The following GLI3 variants were observed in gnomAD, a reference collection of about 807,000 sequenced individuals.
GLI3 encodes the protein transcription activator GLI3.
GLI3 carries 20 observed loss-of-function variants against 100.8 expected under a neutral mutation model. That is an observed-to-expected ratio of 0.20 (90% CI 0.14 to 0.29). GLI3 has a LOEUF of 0.29. Among genes scored for constraint, GLI3 ranks in the 10% least tolerant of loss-of-function variants. GLI3 has a pLI of 1.00. For synonymous variants in GLI3, 938 were observed against 860.5 expected, an observed-to-expected ratio of 1.09 and a Z score of -1.58; for missense variants, 2,040 against 2,128.5, an observed-to-expected ratio of 0.96 and a Z score of 0.82.
intron 2 of GLI3, among the ~76,000 whole-genome samples, chr7:42,162,053 C>T (rs1211051928): frequency 6.6e-6 from 1 of 152,176 alleles, no homozygotes; most frequent in Non-Finnish European, 1.5e-5. Context: ...CTGCTGCCCT[C>T]AAGGCCCACA....
chr7:42,072,825 A>G (rs1784809875), intron 4 of GLI3, among the ~76,000 whole-genome samples: 1 of 152,210 alleles, frequency 6.6e-6, no homozygotes, highest in Non-Finnish European at 1.5e-5. Context: ...AATCTCAGTA[A>G]TAAAGTAGAC....
At chr7:42,162,421 T>C (rs947204926) in intron 2 of GLI3, among the ~76,000 whole-genome samples, 1 of 152,260 alleles carries the variant, frequency 6.6e-6, no homozygotes, top group Non-Finnish European at 1.5e-5. Flanking sequence ...TTCTTTATTC[T>C]TTAATTCACA....
chr7:42,223,320 A>C, intron 1 of GLI3, 25 bp from the exon 2 acceptor site: 1 of 1,398,794 alleles, frequency 7.1e-7, no homozygotes. Context: ...AGAGCCATCA[A>C]CTTTCCAAAA....
chr7:42,241,466 T>A (rs983962237), upstream of GLI3, among the ~76,000 whole-genome samples: 14 of 152,162 alleles, frequency 9.2e-5, no homozygotes, highest in African/African-American at 3.1e-4. Flanking sequence ...CAAAGGTAGA[T>A]CCCTGGCCAC....
At chr7:42,075,864 C>T (rs1583534511) in intron 4 of GLI3, among the ~76,000 whole-genome samples, 1 of 152,180 alleles carries the variant, frequency 6.6e-6, no homozygotes, top group East Asian at 1.9e-4. Flanking sequence ...TTTTCTTTGG[C>T]ATAATATGTA....
At chr7:42,222,874 A>G (rs868751324) in intron 2 of GLI3, 1 of 435,598 alleles carries the variant, frequency 2.3e-6, no homozygotes, top group South Asian at 2.1e-5. Flanking sequence ...CAAAACAGGA[A>G]CTTCTGATAA....
chr7:42,029,305 G>A (rs760471533), intron 7 of GLI3, among the ~76,000 whole-genome samples: 6 of 152,220 alleles, frequency 3.9e-5, no homozygotes, highest in Non-Finnish European at 7.3e-5. Flanking sequence ...TCTCAGCTCT[G>A]ACACAGTATC....
intron 10 of GLI3, among the ~76,000 whole-genome samples, chr7:41,997,407 T>C (rs1305836338): frequency 1.3e-5 from 2 of 152,312 alleles, no homozygotes; most frequent in Admixed American, 1.3e-4. Context: ...CCTAGGAGTT[T>C]TGCAGTGTTC....
intron 2 of GLI3, among the ~76,000 whole-genome samples, chr7:42,205,194 C>T (rs145104737): frequency 5.3e-5 from 8 of 152,282 alleles, no homozygotes; most frequent in African/African-American, 1.2e-4. Flanking sequence ...CTCATACATA[C>T]GCATCCTAGC....
chr7:42,012,046 C>T (rs1420352301), intron 10 of GLI3, among the ~76,000 whole-genome samples: 1 of 152,190 alleles, frequency 6.6e-6, no homozygotes, highest in Non-Finnish European at 1.5e-5. Flanking sequence ...ACCGCTCGTG[C>T]CTCTGAGCAG....
intron 1 of GLI3, among the ~76,000 whole-genome samples, chr7:42,254,217 T>TAAAAAAA (rs3057276): frequency 0.081 from 9,614 of 118,264 alleles, 673 homozygotes; most frequent in Non-Finnish European, 0.12. Flanking sequence ...AAAACTCCGT[T>TAAAAAAA]AAAAAAAAAA....
At chr7:42,097,401 AC>A (rs1785363090) in intron 3 of GLI3, among the ~76,000 whole-genome samples, 1 of 152,096 alleles carries the variant, frequency 6.6e-6, no homozygotes, top group African/African-American at 2.4e-5. Flanking sequence ...CAGGCATCAG[AC>A]CCCAGACGGT....
At chr7:42,183,894 C>G (rs2128684212) in intron 2 of GLI3, among the ~76,000 whole-genome samples, 1 of 152,222 alleles carries the variant, frequency 6.6e-6, no homozygotes, top group East Asian at 1.9e-4. Context: ...GCCACCTTTT[C>G]AAAACAATGA....
chr7:42,113,393 C>A, intron 3 of GLI3: 1 of 699,530 alleles, frequency 1.4e-6, no homozygotes. Context: ...GAGGGGGATG[C>A]TGAAGGAGAT....
chr7:42,072,780 G>A (rs1277892123), intron 4 of GLI3, among the ~76,000 whole-genome samples: 4 of 152,200 alleles, frequency 2.6e-5, no homozygotes, highest in South Asian at 4.1e-4. Flanking sequence ...GAGTATGTGT[G>A]TATAGATTCA....
chr7:42,215,250 A>G (rs1232874393), intron 2 of GLI3, among the ~76,000 whole-genome samples: 2 of 152,186 alleles, frequency 1.3e-5, no homozygotes, highest in Non-Finnish European at 2.9e-5. Context: ...AAACTCATAG[A>G]ACGGCACACC....
At chr7:42,192,103 A>G (rs1014180867) in intron 2 of GLI3, among the ~76,000 whole-genome samples, 1 of 152,190 alleles carries the variant, frequency 6.6e-6, no homozygotes, top group African/African-American at 2.4e-5. Context: ...TGTACCTTAT[A>G]AAAATGTCAA....
chr7:42,194,836 G>T (rs1417408163), intron 2 of GLI3, among the ~76,000 whole-genome samples: 1 of 140,774 alleles, frequency 7.1e-6, no homozygotes, highest in South Asian at 2.3e-4. Flanking sequence ...GCATGATCTC[G>T]GCTCACTGCA....
chr7:42,132,691 A>G (rs1786322008), intron 3 of GLI3, among the ~76,000 whole-genome samples: 1 of 151,886 alleles, frequency 6.6e-6, no homozygotes, highest in Non-Finnish European at 1.5e-5. Context: ...TCTCTTTATA[A>G]CCTCTCAGTG....
Sources: allele counts gnomAD v4.1 joint callset (sites outside exome capture counted in the v4.1 genomes callset), GRCh38; gene constraint gnomAD v4.1.1; transcripts MANE v1.5; gene names NCBI Gene and HGNC (gene_info 2026-07-23, HGNC 2026-07-21).